PRELID2: variants seen among roughly 807,000 people sequenced by gnomAD.
PRELID2 encodes PRELI domain-containing protein 2.
In PRELID2, 25 loss-of-function variants were observed where a neutral mutation model predicts 28.4. That is an observed-to-expected ratio of 0.88 (90% CI 0.64 to 1.23). The LOEUF is 1.23. Among genes scored for constraint, PRELID2 ranks in the 50% most tolerant of loss-of-function variants. The pLI is 0.00. For synonymous variants in PRELID2, 76 were observed against 71.6 expected (o/e 1.06, Z -0.31); for missense variants, 201 against 214.4 (o/e 0.94, Z 0.39).
At chr5:145,533,406 A>G (rs765718609) in intron 1 of PRELID2, among the ~76,000 whole-genome samples, 1 of 152,118 alleles carries the variant, frequency 6.6e-6, no homozygotes, top group Non-Finnish European at 1.5e-5. Flanking sequence ...GGATAGCATG[A>G]AAGAAAATAT....
At chr5:145,532,922 A>G (rs1752666963) in intron 1 of PRELID2, among the ~76,000 whole-genome samples, 1 of 152,114 alleles carries the variant, frequency 6.6e-6, no homozygotes, top group Non-Finnish European at 1.5e-5. Flanking sequence ...TGCATTAAAC[A>G]TAGAATTGCA....
the PRELID2 span, among the ~76,000 whole-genome samples, chr5:145,324,965 G>T: frequency 6.6e-6 from 1 of 152,200 alleles, no homozygotes; most frequent in Non-Finnish European, 1.5e-5. Flanking sequence ...CTTATTGAAT[G>T]AGTAAGCATT....
At chr5:145,728,613 G>GT (rs1261842486) in intron 1 of PRELID2, 6 of 1,061,644 alleles carry the variant, frequency 5.7e-6, no homozygotes, top group Non-Finnish European at 8.7e-6. Context: ...AATGACCACT[G>GT]TAACATTATA....
chr5:145,517,099 A>T (rs1163970270), intron 1 of PRELID2, among the ~76,000 whole-genome samples: 1 of 152,136 alleles, frequency 6.6e-6, no homozygotes, highest in African/African-American at 2.4e-5. Flanking sequence ...TGACTAAAAC[A>T]CCAAAAGCAA....
At position 145,482,218 on chromosome 5, in the gene PRELID2, C is replaced by T. The variant is rs1752168336; in HGVS notation, n.71-8903G>A. On this transcript the variant is annotated intron_variant and non_coding_transcript_variant, in intron 1 of 2. Coordinates refer to the PRELID2 transcript ENST00000510259. ...GATTTTGTGAGCCAGCAGGGAAGCA[C>T]CTCATAGTAATCTGTTCCCCATTTG... Among the ~76,000 whole-genome samples, 3 of 152,146 alleles carry T rather than the reference C, an allele frequency of 2.0e-5. No individual in the cohort carries two copies. In the South Asian group the frequency reaches 6.2e-4, roughly 32 times the overall value.
chr5:145,628,256 A>G (rs1003589981), intron 1 of PRELID2, among the ~76,000 whole-genome samples: 19 of 152,130 alleles, frequency 1.2e-4, no homozygotes, highest in Non-Finnish European at 2.6e-4. Context: ...ACCCCTCACA[A>G]GAAGAAATGT....
intron 1 of PRELID2, among the ~76,000 whole-genome samples, chr5:145,716,570 C>A (rs1019638667): frequency 6.6e-6 from 1 of 152,084 alleles, no homozygotes; most frequent in Non-Finnish European, 1.5e-5. Flanking sequence ...ATCTATGATA[C>A]CATCATAACA....
chr5:145,337,688 TATATA>T, the PRELID2 span, among the ~76,000 whole-genome samples: 1 of 4,270 alleles, frequency 2.3e-4, no homozygotes, highest in Non-Finnish European at 3.6e-4. Context: ...ATAGGGCAAA[TATATA>T]TATATATATA....
intron 1 of PRELID2, among the ~76,000 whole-genome samples, chr5:145,692,162 G>A (rs527542848): frequency 2.0e-5 from 3 of 152,168 alleles, no homozygotes; most frequent in East Asian, 3.9e-4. Flanking sequence ...ACTCCTTGAG[G>A]TTCTCATTCA....
chr5:145,574,898 G>C (rs767464440), intron 1 of PRELID2, among the ~76,000 whole-genome samples: 2 of 152,160 alleles, frequency 1.3e-5, no homozygotes, highest in African/African-American at 4.8e-5. Flanking sequence ...CAAGGAAAAA[G>C]ATGTGTACAT....
At chr5:145,811,402 C>T (rs1753930759) in intron 4 of PRELID2, among the ~76,000 whole-genome samples, 1 of 152,146 alleles carries the variant, frequency 6.6e-6, no homozygotes, top group African/African-American at 2.4e-5. Context: ...GATCCCCCTA[C>T]CTCAGCCTCC....
the PRELID2 span, among the ~76,000 whole-genome samples, chr5:145,414,545 T>C: frequency 6.6e-6 from 1 of 152,226 alleles, no homozygotes; most frequent in Non-Finnish European, 1.5e-5. Context: ...AATTAAGAAG[T>C]AAAATTGTCT....
At chr5:145,811,603 C>G (rs761418120) in intron 4 of PRELID2, among the ~76,000 whole-genome samples, 7 of 152,148 alleles carry the variant, frequency 4.6e-5, no homozygotes, top group Non-Finnish European at 1.0e-4. Context: ...ATTCTAAACG[C>G]AGATGCCTAC....
the PRELID2 span, among the ~76,000 whole-genome samples, chr5:145,266,318 G>T: frequency 1.9e-3 from 278 of 148,164 alleles, no homozygotes; most frequent in African/African-American, 6.5e-3. Flanking sequence ...AGCATCTCTT[G>T]TAAAATGGAA....
intron 2 of PRELID2, 26 bp from the exon 3 acceptor site, chr5:145,820,044 A>G (rs1283124356): frequency 7.5e-7 from 1 of 1,326,180 alleles, no homozygotes; most frequent in East Asian, 2.3e-5. Flanking sequence ...TTTTACACAA[A>G]AAAAAATTAA....
At chr5:145,724,775 G>A (rs1403590586) in intron 1 of PRELID2, among the ~76,000 whole-genome samples, 1 of 147,470 alleles carries the variant, frequency 6.8e-6, no homozygotes, top group Non-Finnish European at 1.5e-5. Context: ...ACAGGGTCTT[G>A]TTTTGTCACT....
At chr5:145,253,538 A>T in the PRELID2 span, among the ~76,000 whole-genome samples, 3 of 152,034 alleles carry the variant, frequency 2.0e-5, no homozygotes, top group Non-Finnish European at 4.4e-5. Context: ...AGCTTCCCAT[A>T]TGGAAATACA....
At chr5:145,342,395 A>G in the PRELID2 span, among the ~76,000 whole-genome samples, 1 of 152,184 alleles carries the variant, frequency 6.6e-6, no homozygotes, top group Non-Finnish European at 1.5e-5. Context: ...CCACCAAACC[A>G]CAATTATAAA....
the PRELID2 span, among the ~76,000 whole-genome samples, chr5:145,435,293 T>C: frequency 6.6e-6 from 1 of 151,928 alleles, no homozygotes; most frequent in African/African-American, 2.4e-5. Flanking sequence ...TTTGAGGAGG[T>C]GACACTTGAG....
Sources: gnomAD v4.1 joint callset for allele counts (sites outside exome capture counted in the v4.1 genomes callset) on GRCh38, gnomAD v4.1.1 for gene constraint, MANE v1.5 for transcripts, NCBI Gene and HGNC (gene_info 2026-07-23, HGNC 2026-07-21) for gene names.